CDH4: variants seen among roughly 807,000 people sequenced by gnomAD.
The protein encoded by CDH4 is cadherin-4.
In CDH4, 33 loss-of-function variants were observed where a neutral mutation model predicts 86.0. The ratio of observed to expected loss-of-function variants is 0.38; its 90% confidence interval spans 0.29 to 0.51. The LOEUF (loss-of-function observed/expected upper bound fraction) is 0.51, where lower values mean the gene tolerates loss of function less well. CDH4 is among the 20% of genes least tolerant of loss of function. CDH4 has a pLI of 0.86. For synonymous variants in CDH4, 555 were observed against 549.4 expected (o/e 1.01, Z -0.14); for missense variants, 1,114 against 1,307.4 (o/e 0.85, Z 2.28).
chr20:61,852,634 C>A, intron 5 of CDH4, 120 bp from the exon 6 acceptor site: 1 of 974,310 alleles, frequency 1.0e-6, no homozygotes, highest in Non-Finnish European at 1.4e-6. Flanking sequence ...GCCCCCCGGC[C>A]CCTATAGCCA....
intron 2 of CDH4, among the ~76,000 whole-genome samples, chr20:61,741,586 G>A (rs750812984): frequency 6.6e-6 from 1 of 151,914 alleles, no homozygotes; most frequent in East Asian, 1.9e-4. Context: ...CCTCCTCCCA[G>A]GTTCACGCCA....
At chr20:61,264,137 C>T (rs966544361) in intron 2 of CDH4, among the ~76,000 whole-genome samples, 1 of 152,182 alleles carries the variant, frequency 6.6e-6, no homozygotes. Flanking sequence ...ATTCTGCTGA[C>T]CACATGCGTG....
At chr20:61,288,266 C>G (rs1191021489) in intron 2 of CDH4, among the ~76,000 whole-genome samples, 1 of 152,118 alleles carries the variant, frequency 6.6e-6, no homozygotes, top group Non-Finnish European at 1.5e-5. Context: ...ATGAGGATTT[C>G]TCAATCTTCT....
chr20:61,576,247 G>A (rs74542713), intron 2 of CDH4, among the ~76,000 whole-genome samples: 4,468 of 152,236 alleles, frequency 0.029, 207 homozygotes, highest in African/African-American at 0.093. Flanking sequence ...AGACAGCGAC[G>A]TGTCAGATTC....
intron 7 of CDH4, among the ~76,000 whole-genome samples, chr20:61,889,121 C>T (rs1984672801): frequency 6.6e-6 from 1 of 152,358 alleles, no homozygotes; most frequent in East Asian, 1.9e-4. Flanking sequence ...CTATCACTCC[C>T]TCCTCCCTCT....
In CDH4 at chr20:61,773,142, C is replaced by T; in HGVS notation, c.536C>T (p.Pro179Leu). The T allele has an allele frequency of 6.2e-7, 1 of 1,602,532 alleles. No individual in the cohort carries two copies. The highest frequency in any genetic ancestry group is 8.5e-7 in the Non-Finnish European group (1 of 1,174,942). Reference protein sequence around the residue: ...RDWVIPPINVPENSRGPFPQQ... With the variant: ...RDWVIPPINVLENSRGPFPQQ... ...TGGGTCATCCCGCCCATCAACGTGC[C>T]CGAGAACTCGCGCGGGCCCTTCCCG... Residue 179 changes from proline to leucine, a missense_variant, in exon 4 of 16, where the codon CCC becomes CTC. By Grantham distance (98) the Pro-to-Leu change is moderately conservative. Around this residue, in one of 3 missense-constraint regions of CDH4, gnomAD observed 705 missense variants for 914.1 expected, o/e 0.77. Transcript: ENST00000614565.
intron 9 of CDH4, among the ~76,000 whole-genome samples, chr20:61,919,536 G>C (rs934213038): frequency 1.3e-5 from 2 of 152,262 alleles, no homozygotes; most frequent in Admixed American, 1.3e-4. Flanking sequence ...TGGTTCACGA[G>C]GGGTGGGAAC....
At chr20:61,267,521 A>G (rs1269994850) in intron 2 of CDH4, among the ~76,000 whole-genome samples, 13 of 152,192 alleles carry the variant, frequency 8.5e-5, no homozygotes, top group East Asian at 3.8e-4. Context: ...TAGTGTAGTA[A>G]TGGGGTATTT....
chr20:61,811,101 G>A lies in CDH4; in HGVS notation c.577-33567G>A, dbSNP rs372753864. Among the ~76,000 whole-genome samples, 7 of 152,194 alleles carry A rather than the reference G, an allele frequency of 4.6e-5. No homozygotes were observed. In the South Asian group the frequency reaches 8.3e-4, roughly 18 times the overall value. ...CCACATCCTCAGCAGCCCCGCCACC[G>A]CCTGTCACACCTGCTGCTCTGGAAG... On this transcript the variant is annotated intron_variant, in intron 4 of 15. Coordinates refer to ENST00000614565, the MANE Select transcript of CDH4 (RefSeq NM_001794.5). This position sits in a 1 kb window ranked among gnomAD's most constrained non-coding sequence, Gnocchi z 4.4.
chr20:61,934,804 C>T (rs535080801), intron 15 of CDH4, among the ~76,000 whole-genome samples: 6 of 152,124 alleles, frequency 3.9e-5, no homozygotes, highest in South Asian at 4.2e-4. Context: ...CCAGGGCTGC[C>T]GCCTGACCAC....
At chr20:61,297,973 G>T (rs1314035930) in intron 2 of CDH4, among the ~76,000 whole-genome samples, 1 of 152,256 alleles carries the variant, frequency 6.6e-6, no homozygotes, top group Non-Finnish European at 1.5e-5. Context: ...TGGGTTTTGG[G>T]GTTTCAGGTC....
intron 9 of CDH4, among the ~76,000 whole-genome samples, chr20:61,913,746 T>G (rs760979634): frequency 2.0e-5 from 3 of 152,174 alleles, no homozygotes; most frequent in Non-Finnish European, 2.9e-5. Context: ...TTGGCAGCCA[T>G]ATCCTCACAG....
chr20:61,396,015 A>C (rs2085014691), intron 2 of CDH4, among the ~76,000 whole-genome samples: 1 of 152,184 alleles, frequency 6.6e-6, no homozygotes, highest in Non-Finnish European at 1.5e-5. Context: ...AGCTTGGATT[A>C]GGACTGGATG....
intron 2 of CDH4, among the ~76,000 whole-genome samples, chr20:61,295,954 C>T (rs1176636236): frequency 1.3e-5 from 2 of 152,092 alleles, no homozygotes; most frequent in Non-Finnish European, 2.9e-5. Context: ...ATGGGTATCG[C>T]GGAGGCCGTG....
At chr20:61,313,745 T>C (rs1041672705) in intron 2 of CDH4, among the ~76,000 whole-genome samples, 1 of 152,232 alleles carries the variant, frequency 6.6e-6, no homozygotes, top group Non-Finnish European at 1.5e-5. Flanking sequence ...TTTGTTATCA[T>C]TTTTTGTTTA....
chr20:61,802,760 C>T (rs1237644390), intron 4 of CDH4, among the ~76,000 whole-genome samples: 9 of 152,176 alleles, frequency 5.9e-5, no homozygotes, highest in African/African-American at 1.9e-4. Context: ...CTAGACGGGG[C>T]GATGCCTGGG....
intron 2 of CDH4, among the ~76,000 whole-genome samples, chr20:61,613,524 A>G (rs1231821363): frequency 2.0e-5 from 3 of 151,388 alleles, no homozygotes; most frequent in Non-Finnish European, 4.4e-5. Flanking sequence ...TTAGTCATTT[A>G]TAAACTGTCC....
intron 2 of CDH4, among the ~76,000 whole-genome samples, chr20:61,450,317 A>G (rs2085372788): frequency 6.6e-6 from 1 of 152,174 alleles, no homozygotes; most frequent in Non-Finnish European, 1.5e-5. Context: ...GAGGGGCTCA[A>G]CAGGACCCAC....
intron 2 of CDH4, among the ~76,000 whole-genome samples, chr20:61,352,376 C>T (rs538444472): frequency 2.6e-5 from 4 of 152,286 alleles, no homozygotes; most frequent in African/African-American, 7.2e-5. Context: ...TGGTGACGTT[C>T]GTTTGTTGCC....
Sources: allele counts gnomAD v4.1 joint callset (sites outside exome capture counted in the v4.1 genomes callset), GRCh38; gene constraint gnomAD v4.1.1; regional missense constraint gnomAD v4.1.1; non-coding constraint Gnocchi (gnomAD v3.1); transcripts MANE v1.5; gene names NCBI Gene and HGNC (gene_info 2026-07-23, HGNC 2026-07-21).